SLC22A8: variants seen among roughly 807,000 people sequenced by gnomAD.
The protein encoded by SLC22A8 is solute carrier family 22 member 8.
SLC22A8 carries 40 observed loss-of-function variants against 48.4 expected under a neutral mutation model. The ratio of observed to expected loss-of-function variants is 0.83; its 90% CI spans 0.64 to 1.08. The LOEUF is 1.08. SLC22A8 is among the 50% of genes least tolerant of loss of function. The pLI is 0.00. For missense variants in SLC22A8, 606 were observed against 699.0 expected, an observed-to-expected ratio of 0.87 and a Z score of 1.50; for synonymous variants, 268 against 286.3, an observed-to-expected ratio of 0.94 and a Z score of 0.65.
In SLC22A8 at chr11:63,015,814, G is replaced by C. The variant is rs1590704686; in HGVS notation, c.-111C>G. On this transcript the variant is annotated 5_prime_UTR_variant, in exon 1 of 11. Transcript: ENST00000336232. Reference sequence around the variant, plus strand: ...GTCCTAGGGGCCGGCAGCTGCTGTAGTAGGGCAGCTCAGCTCTAACAAGCT... The same window carrying C: ...GTCCTAGGGGCCGGCAGCTGCTGTACTAGGGCAGCTCAGCTCTAACAAGCT... The C allele has an allele frequency of 6.6e-6, 1 of 152,432 alleles. No individual in the cohort carries two copies. Among genetic ancestry groups the C allele is most frequent in the African/African-American group, 2.4e-5 (1 of 41,462 alleles). 9.4% of individuals were successfully genotyped at this position (152,432 alleles called of 1,614,324 possible). A position where few individuals can be genotyped will look rare whatever the true frequency, so the allele number is the denominator to read the frequency against.
chr11:62,995,004 A>G lies in SLC22A8; in HGVS notation c.1002-248T>C, dbSNP rs2086398573. 5 of 548,136 alleles carry G rather than the reference A, an allele frequency of 9.1e-6. No homozygotes were observed. The East Asian group carries it at 1.6e-4, about 17-fold the overall frequency. 34.0% of individuals were successfully genotyped at this position (548,136 alleles called of 1,614,324 possible). On this transcript the variant is annotated intron_variant, in intron 7 of 10. Transcript: ENST00000336232. ...GGGTGTGGTGGCAAAGGTGCCAATA[A>G]CTGACTCTAGAGAAGATCAGGACTG...
At chr11:62,998,593 TAG>T (rs2135123579) in intron 5 of SLC22A8, among the ~76,000 whole-genome samples, 1 of 152,302 alleles carries the variant, frequency 6.6e-6, no homozygotes, top group South Asian at 2.1e-4. Flanking sequence ...TGTAGCACCA[TAG>T]ACTCTTTCTG....
intron 2 of SLC22A8, among the ~76,000 whole-genome samples, chr11:63,013,222 TCA>T (rs2086638434): frequency 6.6e-6 from 1 of 152,146 alleles, no homozygotes; most frequent in African/African-American, 2.4e-5. Context: ...TGAATAACAA[TCA>T]CACAGACTCT....
chr11:62,994,665 C>T lies in SLC22A8; in HGVS notation c.1093G>A (p.Val365Ile), dbSNP rs759787678. Reference sequence around the variant, plus strand: ...GTGATGAACTTGGCTGGGACATCGACCCCACCAAAGATGATCTGGAGGATG... The same window carrying T: ...GTGATGAACTTGGCTGGGACATCGATCCCACCAAAGATGATCTGGAGGATG... Reference protein sequence around the residue: ...LYILQIIFGGVDVPAKFITIL... With the variant: ...LYILQIIFGGIDVPAKFITIL... The change falls in exon 8 of 11, where the codon GTC becomes ATC. Residue 365 changes from valine (V) to isoleucine (I), a missense_variant. Transcript: ENST00000336232. 6.2e-7 allele frequency: 1 copy of T among 1,614,232 alleles called. No individual in the cohort carries two copies. The highest frequency in any genetic ancestry group is 1.7e-5 in the Admixed American group (1 of 60,032).
intron 5 of SLC22A8, 47 bp downstream of exon 5, chr11:62,998,874 G>C: frequency 6.5e-7 from 1 of 1,544,764 alleles, no homozygotes; most frequent in Non-Finnish European, 8.8e-7. Flanking sequence ...CCCCTGTTTG[G>C]CCCTGGGGCA....
At chr11:63,014,256 G>A (rs902095808) in intron 2 of SLC22A8, among the ~76,000 whole-genome samples, 6 of 152,144 alleles carry the variant, frequency 3.9e-5, no homozygotes, top group African/African-American at 1.4e-4. Context: ...CATAGTGCAA[G>A]GTCACTTTGA....
rs558376833 is a variant in SLC22A8 at position 62,995,353 on chromosome 11, G to A, written c.1001+351C>T. Reference sequence around the variant, plus strand: ...ACCCATTGGTCTAGCCTTGCTCTGTGGGGTTCCAGAGGGCAGAGCTGACCC... The same window carrying A: ...ACCCATTGGTCTAGCCTTGCTCTGTAGGGTTCCAGAGGGCAGAGCTGACCC... On this transcript the variant is annotated intron_variant, in intron 7 of 10. Coordinates refer to ENST00000336232, the MANE Select transcript of SLC22A8 (RefSeq NM_004254.4). The A allele has an allele frequency of 2.5e-5, 9 of 355,948 alleles. No homozygotes were observed. In the South Asian group the frequency reaches 3.8e-4, roughly 15 times the overall value. 22.0% of individuals were successfully genotyped at this position (355,948 alleles called of 1,614,324 possible).
At position 62,999,088 on chromosome 11, in the gene SLC22A8, A is replaced by G; in HGVS notation, c.594T>C (p.Asn198=). ...SGITLSTVIL[N]VEWVPTRMRA... ...GCATCCGGGTAGGCACCCATTCCAC[A>G]TCTGTGGGAGGAGTCCAAGCACCAG... Residue 198 remains asparagine (N), a splice_region_variant and synonymous_variant, in exon 5 of 11, where the codon AAT becomes AAC. Coordinates refer to ENST00000336232, the MANE Select transcript of SLC22A8 (RefSeq NM_004254.4). The G allele has an allele frequency of 6.2e-7, 1 of 1,611,534 alleles. No individual in the cohort carries two copies. Among genetic ancestry groups the G allele is most frequent in the East Asian group, 2.2e-5 (1 of 44,812 alleles).
chr11:63,013,226 A>T (rs1244119158), intron 2 of SLC22A8, among the ~76,000 whole-genome samples: 3 of 152,206 alleles, frequency 2.0e-5, no homozygotes, highest in Non-Finnish European at 4.4e-5. Context: ...TAACAATCAC[A>T]CAGACTCTGA....
At position 62,993,060 on chromosome 11, in the gene SLC22A8, C is replaced by T. The variant is rs927219813; in HGVS notation, c.*177G>A. 29 of 597,908 alleles carry T rather than the reference C, an allele frequency of 4.9e-5. No individual in the cohort carries two copies. The highest frequency in any genetic ancestry group is 3.3e-4 in the East Asian group (12 of 36,072). The allele number at this position is 597,908 out of a possible 1,614,324, so 37.0% of individuals were successfully genotyped here. On this transcript the variant is annotated 3_prime_UTR_variant, in exon 11 of 11. Transcript: ENST00000336232. ...GAGAACAAGGGCAGGGATGGCTGAACCTTTGAACTGGCCAGGGCTGGGCAG... is the reference window on the plus strand; with the variant it reads ...GAGAACAAGGGCAGGGATGGCTGAATCTTTGAACTGGCCAGGGCTGGGCAG...
At chr11:62,997,186 A>G (rs1202099110) in intron 5 of SLC22A8, among the ~76,000 whole-genome samples, 3 of 152,204 alleles carry the variant, frequency 2.0e-5, no homozygotes, top group Non-Finnish European at 2.9e-5. Context: ...TCTGGGTGAC[A>G]GGCAACATTA....
intron 3 of SLC22A8, among the ~76,000 whole-genome samples, chr11:63,000,226 G>A (rs773451783): frequency 4.4e-4 from 67 of 152,186 alleles, no homozygotes; most frequent in Non-Finnish European, 7.9e-4. Flanking sequence ...GTTCATGCCT[G>A]TAATCCCGGC....
intron 8 of SLC22A8, 183 bp downstream of exon 8, chr11:62,994,359 A>G (rs2086382716): frequency 1.6e-6 from 1 of 607,368 alleles, no homozygotes; most frequent in Non-Finnish European, 2.9e-6. Flanking sequence ...AGATCTGGAA[A>G]GGAGCTTTCA....
chr11:63,014,514 C>T, intron 2 of SLC22A8, 112 bp downstream of exon 2: 1 of 944,508 alleles, frequency 1.1e-6, no homozygotes, highest in Non-Finnish European at 1.6e-6. Context: ...TGCCCAGTGA[C>T]CTGTCCTCAG....
chr11:62,993,014 T>C lies in SLC22A8; in HGVS notation c.*223A>G. ...AGTGGGGAAGGGCTAGACAGAAGAA[T>C]GGCAGGGCCTGGGTTGCAGGGAGAA... On this transcript the variant is annotated 3_prime_UTR_variant, in exon 11 of 11. Transcript: ENST00000336232. 3 of 572,888 alleles carry C rather than the reference T, an allele frequency of 5.2e-6. No homozygotes were observed. Among genetic ancestry groups the C allele is most frequent in the South Asian group, 2.3e-5 (1 of 42,666 alleles). 35.5% of individuals were successfully genotyped at this position (572,888 alleles called of 1,614,324 possible).
At chr11:62,995,527 G>A in intron 7 of SLC22A8, 177 bp downstream of exon 7, 1 of 600,268 alleles carries the variant, frequency 1.7e-6, no homozygotes, top group Non-Finnish European at 3.0e-6. Flanking sequence ...CTGGACCTGG[G>A]TGTGGGGCAG....
rs867190320 is a variant in SLC22A8, at chr11:62,993,334, G to A, written c.1532C>T (p.Ser511Phe). The A allele has an allele frequency of 1.9e-6, 3 of 1,613,940 alleles. No homozygotes were observed. Residue 511 changes from serine (S) to phenylalanine (F), a missense_variant and splice_region_variant, in exon 11 of 11, where the codon TCC becomes TTC. Transcript: ENST00000336232. Reference protein sequence around the residue: ...PETIEDLENWSLRAKKPKQEP... With the variant: ...PETIEDLENWFLRAKKPKQEP... The stretch of plus-strand genomic sequence containing the variant: ...CTGCTTTGGCTTCTTTGCCCGCAGG[G>A]ACCTAGGGACAGAGAGCTAAGGAAA...
At chr11:62,999,159 C>T (rs2086460808) in intron 4 of SLC22A8, 70 bp from the exon 5 acceptor site, 1 of 1,359,976 alleles carries the variant, frequency 7.4e-7, no homozygotes, top group South Asian at 1.3e-5. Context: ...GAAGGGGCAC[C>T]AGCTTCTGCA....
intron 2 of SLC22A8, among the ~76,000 whole-genome samples, chr11:63,003,803 T>G (rs1360404284): frequency 1.3e-5 from 2 of 152,164 alleles, no homozygotes; most frequent in African/African-American, 4.8e-5. Context: ...GTGGGAATGG[T>G]GACAACTAGA....
Sources: allele counts gnomAD v4.1 joint callset (sites outside exome capture counted in the v4.1 genomes callset), GRCh38; gene constraint gnomAD v4.1.1; transcripts MANE v1.5; gene names NCBI Gene and HGNC (gene_info 2026-07-23, HGNC 2026-07-21).